The following USP49 variants were observed in gnomAD, a reference collection of about 807,000 sequenced individuals.
The protein encoded by USP49 is ubiquitin carboxyl-terminal hydrolase 49.
A neutral mutation model predicts 58.6 loss-of-function variants in USP49; 24 were observed. That is an observed-to-expected ratio of 0.41 (90% CI 0.30 to 0.58). The LOEUF is 0.58. Ranked by LOEUF, USP49 falls within the 20% of genes least tolerant of loss-of-function variation. USP49 has a pLI of 0.30. For missense variants in USP49, 703 were observed against 866.1 expected (o/e 0.81, Z 2.36); for synonymous variants, 408 against 365.1 (o/e 1.12, Z -1.34).
chr6:41,802,678 A>G (rs1462279089), intron 5 of USP49, among the ~76,000 whole-genome samples: 1 of 151,620 alleles, frequency 6.6e-6, no homozygotes, highest in Non-Finnish European at 1.5e-5. Context: ...CAGTCCATTA[A>G]CTTTATACTT....
At chr6:41,799,542 G>T (rs558874239) in intron 6 of USP49, among the ~76,000 whole-genome samples, 2 of 152,304 alleles carry the variant, frequency 1.3e-5, no homozygotes, top group Admixed American at 6.5e-5. Context: ...TCCTGAAGAT[G>T]AATCTACATA....
At position 41,832,021 on chromosome 6, in the gene USP49, T is replaced by C. The variant is rs191002303; in HGVS notation, c.-28-25010A>G. ...TGACCATTCTACTACCCAGTGAATCTCTCCCTCAAAGAACACCTCATTGTT... is the reference window on the plus strand; with the variant it reads ...TGACCATTCTACTACCCAGTGAATCCCTCCCTCAAAGAACACCTCATTGTT... On this transcript the variant is annotated intron_variant, in intron 3 of 7. Transcript: ENST00000682992. 2.0e-5 allele frequency among the ~76,000 whole-genome samples: 3 copies of C among 152,280 alleles called. No homozygotes were observed. The East Asian group carries it at 5.8e-4, about 29-fold the overall frequency.
intron 3 of USP49, among the ~76,000 whole-genome samples, chr6:41,862,606 A>C (rs912444030): frequency 1.3e-5 from 2 of 152,244 alleles, no homozygotes; most frequent in African/African-American, 4.8e-5. Flanking sequence ...GCTTAAAAAT[A>C]AGAGTACATT....
At chr6:41,798,527 C>T (rs563758713) in intron 7 of USP49, 197 bp downstream of exon 7, 353 of 1,450,798 alleles carry the variant, frequency 2.4e-4, no homozygotes, top group Non-Finnish European at 2.8e-4. Context: ...CCACCCACCG[C>T]GGCCTCCCAA....
Position 41,800,033 on chromosome 6 carries a change from T to C in USP49, c.1562-95A>G. On this transcript the variant is annotated intron_variant, in intron 5 of 7. Coordinates refer to ENST00000682992, the MANE Select transcript of USP49 (RefSeq NM_001286554.2). ...CTTGCCATTCAATATGCATTCTCCATATTTCTCAGTATCTGAACCTCAATT... is the reference window on the plus strand; with the variant it reads ...CTTGCCATTCAATATGCATTCTCCACATTTCTCAGTATCTGAACCTCAATT... The C allele has an allele frequency of 3.7e-6, 4 of 1,095,426 alleles. No homozygotes were observed. The East Asian group carries it at 7.3e-5, about 20-fold the overall frequency. The allele number at this position is 1,095,426 out of a possible 1,614,324, so 67.9% of individuals were successfully genotyped here.
chr6:41,858,263 G>A (rs1049003833), intron 3 of USP49, among the ~76,000 whole-genome samples: 1 of 152,096 alleles, frequency 6.6e-6, no homozygotes, highest in African/African-American at 2.4e-5. Flanking sequence ...CCCCAAGGTT[G>A]TCATAAAAGA....
intron 3 of USP49, among the ~76,000 whole-genome samples, chr6:41,866,122 G>A (rs1180896611): frequency 3.3e-5 from 5 of 151,554 alleles, no homozygotes; most frequent in African/African-American, 7.3e-5. Flanking sequence ...GGGTTTCACC[G>A]TGTTAGCCAG....
At chr6:41,892,105 G>A (rs768502200) in intron 1 of USP49, among the ~76,000 whole-genome samples, 15 of 152,020 alleles carry the variant, frequency 9.9e-5, no homozygotes, top group African/African-American at 1.9e-4. Flanking sequence ...TAGAAATAGC[G>A]ACTGAGAAAT....
At position 41,798,938 on chromosome 6, in the gene USP49, T is replaced by C. The variant is rs1271066823; in HGVS notation, c.1671-9A>G. 6.2e-7 allele frequency: 1 copy of C among 1,612,752 alleles called. No homozygotes were observed. The highest frequency in any genetic ancestry group is 8.5e-7 in the Non-Finnish European group (1 of 1,179,638). ...GATTACGGCCAGACCACCTAGAACA[T>C]GGATATAAGCTTGTTACTAGTAAAA... On this transcript the variant is annotated splice_polypyrimidine_tract_variant and intron_variant, in intron 6 of 7. Coordinates refer to ENST00000682992, the MANE Select transcript of USP49 (RefSeq NM_001286554.2).
intron 2 of USP49, among the ~76,000 whole-genome samples, chr6:41,883,353 C>CA (rs35851122): frequency 0.053 from 2,576 of 48,526 alleles, 73 homozygotes; most frequent in Middle Eastern, 0.1. Context: ...GACTCTGTCT[C>CA]AAAAAAAAAA....
intron 3 of USP49, among the ~76,000 whole-genome samples, chr6:41,822,605 T>C (rs1773470530): frequency 6.6e-6 from 1 of 152,136 alleles, no homozygotes; most frequent in Non-Finnish European, 1.5e-5. Flanking sequence ...CCTAGCACTT[T>C]GGGAGGCCGA....
intron 6 of USP49, 102 bp downstream of exon 6, chr6:41,799,728 C>T (rs1451960497): frequency 4.9e-6 from 5 of 1,012,248 alleles, no homozygotes; most frequent in Non-Finnish European, 7.6e-6. Flanking sequence ...AGTGAACAGG[C>T]TTCCCCTCCC....
chr6:41,860,849 C>A lies in USP49; in HGVS notation c.-29+10715G>T, dbSNP rs1167292683. Among the ~76,000 whole-genome samples, 7 of 152,076 alleles carry A rather than the reference C, an allele frequency of 4.6e-5. No individual in the cohort carries two copies. The East Asian group carries it at 1.4e-3, about 30-fold the overall frequency. On this transcript the variant is annotated intron_variant, in intron 3 of 7. Coordinates refer to ENST00000682992, the MANE Select transcript of USP49 (RefSeq NM_001286554.2). Reference sequence around the variant, plus strand: ...TTTTTTAAAGAACTCATAGGCCAGGCACGGTGGCTGGTGGCCCATGCCTGT... The same window carrying A: ...TTTTTTAAAGAACTCATAGGCCAGGAACGGTGGCTGGTGGCCCATGCCTGT...
In USP49 at chr6:41,877,645, C is replaced by T. The variant is rs1006045631; in HGVS notation, c.-102-6008G>A. ...TGGCATGATCTTAGCTCACTGCAAC[C>T]TCTGCCTCCCAGGTAAGCAATTCTC... On this transcript the variant is annotated intron_variant, in intron 2 of 7. Transcript: ENST00000682992. Among the ~76,000 whole-genome samples the T allele has an allele frequency of 2.0e-5, 3 of 151,548 alleles. No homozygotes were observed. In the South Asian group the frequency reaches 6.2e-4, roughly 32 times the overall value.
intron 3 of USP49, among the ~76,000 whole-genome samples, chr6:41,844,115 G>A (rs1773877651): frequency 6.6e-6 from 1 of 151,950 alleles, no homozygotes; most frequent in Admixed American, 6.6e-5. Context: ...CAGCTTCTTA[G>A]GAGACTGAAG....
chr6:41,892,664 T>C (rs1172541734), intron 1 of USP49, among the ~76,000 whole-genome samples: 1 of 152,226 alleles, frequency 6.6e-6, no homozygotes, highest in East Asian at 1.9e-4. Flanking sequence ...AAATCTAATC[T>C]TTGTTAACTA....
At chr6:41,829,624 AT>A (rs1232976606) in intron 3 of USP49, among the ~76,000 whole-genome samples, 2 of 152,118 alleles carry the variant, frequency 1.3e-5, no homozygotes, top group Non-Finnish European at 2.9e-5. Flanking sequence ...ATTCTCTTGA[AT>A]TTTCTATGGA....
chr6:41,891,036 C>T (rs990454705), intron 2 of USP49, among the ~76,000 whole-genome samples: 4 of 152,140 alleles, frequency 2.6e-5, no homozygotes, highest in East Asian at 1.9e-4. Context: ...TATACATAAT[C>T]GTTACGGTGT....
chr6:41,824,921 T>C (rs13193235), intron 3 of USP49, among the ~76,000 whole-genome samples: 28,169 of 152,206 alleles, frequency 0.19, 3,179 homozygotes, highest in East Asian at 0.29. Flanking sequence ...AGACGTGGAC[T>C]GTGCATGAAC....
Sources: gnomAD v4.1 joint callset for allele counts (sites outside exome capture counted in the v4.1 genomes callset) on GRCh38, gnomAD v4.1.1 for gene constraint, MANE v1.5 for transcripts, NCBI Gene and HGNC (gene_info 2026-07-23, HGNC 2026-07-21) for gene names.